The following MTMR14 variants were observed in gnomAD, a reference collection of about 807,000 sequenced individuals.
The protein encoded by MTMR14 is myotubularin related protein 14, also known as phosphatidylinositol-3,5-bisphosphate 3-phosphatase MTMR14.
In MTMR14, 48 loss-of-function variants were observed where a neutral mutation model predicts 86.3. The ratio of observed to expected loss-of-function variants is 0.56; its 90% CI spans 0.44 to 0.71. The LOEUF is 0.71. MTMR14 is among the 30% of genes least tolerant of loss of function. The probability of loss-of-function intolerance (pLI) is 0.00; values close to 1 mark genes in which losing one functional copy is unlikely to be tolerated. For synonymous variants in MTMR14, 366 were observed against 326.1 expected (o/e 1.12, Z -1.32); for missense variants, 780 against 834.6 (o/e 0.93, Z 0.81).
rs1399126812 is a variant in MTMR14 at position 9,653,723 on chromosome 3, C to A, written c.262C>A (p.His88Asn). 1.2e-6 allele frequency: 2 copies of A among 1,614,182 alleles called. No homozygotes were observed. The highest frequency in any genetic ancestry group is 2.2e-5 in the South Asian group (2 of 91,084). Reference protein sequence around the residue: ...NGDICGHYPRHIVFLEYESSE... With the variant: ...NGDICGHYPRNIVFLEYESSE... ...GGATATCTGTGGCCACTATCCCCGG[C>A]ACATCGTGTTCCTGGAGTATGAGAG... Residue 88 changes from histidine (H) to asparagine (N), a missense_variant, in exon 2 of 19, where the codon CAC becomes AAC. Physicochemically the swap from His to Asn is moderately conservative, Grantham distance 68. Transcript: ENST00000296003.
intron 2 of MTMR14, among the ~76,000 whole-genome samples, chr3:9,660,557 G>A (rs533452515): frequency 6.6e-6 from 1 of 152,170 alleles, no homozygotes. Context: ...CACCACGCCT[G>A]GCCCCTAGAT....
At chr3:9,686,596 A>G (rs1198646881) in intron 13 of MTMR14, among the ~76,000 whole-genome samples, 3 of 152,212 alleles carry the variant, frequency 2.0e-5, no homozygotes, top group African/African-American at 4.8e-5. Flanking sequence ...TTCGGGGAAC[A>G]TATTAGCATA....
chr3:9,685,339 T>G (rs2125277770), intron 13 of MTMR14, 92 bp downstream of exon 13: 1 of 1,484,384 alleles, frequency 6.7e-7, no homozygotes, highest in African/African-American at 1.4e-5. Flanking sequence ...TAGGGGCAGC[T>G]CCTTGCCCCA....
intron 2 of MTMR14, chr3:9,659,604 T>G (rs1026758175): frequency 9.5e-6 from 4 of 421,798 alleles, no homozygotes; most frequent in Non-Finnish European, 1.9e-5. Context: ...CTGCCACGCC[T>G]GTCTAATTTT....
chr3:9,687,772 C>A (rs765247565), intron 13 of MTMR14, 49 bp from the exon 14 acceptor site: 1 of 1,518,072 alleles, frequency 6.6e-7, no homozygotes, highest in South Asian at 1.2e-5. Context: ...CCTGGGAGTT[C>A]TGCTGCCTTG....
At chr3:9,669,147 A>AG (rs2048428989) in intron 4 of MTMR14, among the ~76,000 whole-genome samples, 1 of 152,018 alleles carries the variant, frequency 6.6e-6, no homozygotes, top group South Asian at 2.1e-4. Flanking sequence ...CTCAAAAAAA[A>AG]AAAAAAAAGA....
intron 1 of MTMR14, among the ~76,000 whole-genome samples, chr3:9,650,728 T>G (rs1178778827): frequency 2.0e-5 from 3 of 152,174 alleles, no homozygotes; most frequent in Admixed American, 6.5e-5. Context: ...CAGAGATTCC[T>G]TAGTCCCACC....
At chr3:9,660,996 A>G (rs1014635224) in intron 2 of MTMR14, among the ~76,000 whole-genome samples, 1 of 152,168 alleles carries the variant, frequency 6.6e-6, no homozygotes, top group African/African-American at 2.4e-5. Context: ...GTGATTTGAT[A>G]TGGGTATGAC....
intron 7 of MTMR14, among the ~76,000 whole-genome samples, chr3:9,673,761 C>T (rs982088163): frequency 6.6e-6 from 1 of 151,566 alleles, no homozygotes; most frequent in East Asian, 1.9e-4. Context: ...AGCATCAGTT[C>T]CCTCCTTAAT....
chr3:9,696,363 G>T (rs1159690386), intron 17 of MTMR14, among the ~76,000 whole-genome samples: 1 of 152,134 alleles, frequency 6.6e-6, no homozygotes, highest in Non-Finnish European at 1.5e-5. Flanking sequence ...AATTAGCCGG[G>T]CATGGTGGCG....
intron 17 of MTMR14, among the ~76,000 whole-genome samples, chr3:9,690,662 A>G (rs1306582666): frequency 2.0e-5 from 3 of 152,250 alleles, no homozygotes; most frequent in African/African-American, 7.2e-5. Flanking sequence ...AGGGCGCTGC[A>G]GGAATGGTGC....
intron 7 of MTMR14, among the ~76,000 whole-genome samples, chr3:9,675,288 CT>C (rs1171770198): frequency 6.6e-6 from 1 of 152,148 alleles, no homozygotes; most frequent in African/African-American, 2.4e-5. Flanking sequence ...AGGAGAATCA[CT>C]TTTTATTTGA....
At chr3:9,672,797 G>A (rs757183020) in intron 7 of MTMR14, 39 bp downstream of exon 7, 1 of 1,574,716 alleles carries the variant, frequency 6.4e-7, no homozygotes, top group Non-Finnish European at 8.7e-7. Context: ...TCCTAGGACT[G>A]GGGACCTTGG....
intron 15 of MTMR14, 80 bp downstream of exon 15, chr3:9,688,834 AG>A: frequency 3.1e-6 from 5 of 1,607,814 alleles, no homozygotes; most frequent in Non-Finnish European, 4.3e-6. Context: ...GTTTGTGCTA[AG>A]AGGTTTTTTG....
chr3:9,679,746 G>A (rs2075698789), intron 9 of MTMR14, among the ~76,000 whole-genome samples: 1 of 152,162 alleles, frequency 6.6e-6, no homozygotes, highest in Admixed American at 6.5e-5. Context: ...GCTTGAAAGG[G>A]ACTCCTGAAC....
Position 9,677,996 on chromosome 3 carries a change from G to GC in MTMR14, c.839dup (p.Leu281IlefsTer14), listed in dbSNP as rs2075637892. ...TTTCTGTCCCCAGGACTACGTTGATGCCCCATTGAGCATCCCCGACTTCCT... is the reference window on the plus strand; with the variant it reads ...TTTCTGTCCCCAGGACTACGTTGATGCCCCCATTGAGCATCCCCGACTTCCT... On this transcript the variant is annotated frameshift_variant, in exon 9 of 19. Transcript: ENST00000296003. LOFTEE classifies it high-confidence loss of function. The surrounding 1 kb of genome is among the most constrained non-coding windows in gnomAD (Gnocchi z 4.2). The GC allele has an allele frequency of 5.6e-6, 9 of 1,614,046 alleles. No individual in the cohort carries two copies. Among genetic ancestry groups the GC allele is most frequent in the Non-Finnish European group, 7.6e-6 (9 of 1,179,998 alleles).
chr3:9,686,462 G>A (rs1015940345), intron 13 of MTMR14, among the ~76,000 whole-genome samples: 6 of 152,026 alleles, frequency 3.9e-5, no homozygotes, highest in African/African-American at 1.2e-4. Flanking sequence ...TCAGCTGCAG[G>A]TTCATCTTCA....
At chr3:9,668,670 G>A in intron 3 of MTMR14, 49 bp from the exon 4 acceptor site, 1 of 1,592,990 alleles carries the variant, frequency 6.3e-7, no homozygotes, top group East Asian at 2.2e-5. Context: ...CTTCAACTGT[G>A]CATGCTTCAG....
intron 3 of MTMR14, among the ~76,000 whole-genome samples, chr3:9,663,230 G>C (rs1296985533): frequency 3.3e-5 from 5 of 152,244 alleles, no homozygotes; most frequent in African/African-American, 1.2e-4. Context: ...CCTTTAGCTG[G>C]TATCTGAGTG....
Sources: gnomAD v4.1 joint callset for allele counts (sites outside exome capture counted in the v4.1 genomes callset) on GRCh38, gnomAD v4.1.1 for gene constraint, Gnocchi (gnomAD v3.1) non-coding constraint, MANE v1.5 for transcripts, NCBI Gene and HGNC (gene_info 2026-07-23, HGNC 2026-07-21) for gene names.